The following LRRTM4 variants were observed in gnomAD, a reference collection of about 807,000 sequenced individuals.
The protein encoded by LRRTM4 is leucine rich repeat transmembrane neuronal 4.
Under a neutral mutation model 47.6 loss-of-function variants are expected in LRRTM4, and 25 were observed. That is an observed-to-expected ratio of 0.53 (90% CI 0.38 to 0.73). The LOEUF is 0.73. Ranked by LOEUF, LRRTM4 falls within the 30% of genes least tolerant of loss-of-function variation. The pLI, the probability that LRRTM4 is intolerant of heterozygous loss-of-function variation, is 0.00. For synonymous variants in LRRTM4, 311 were observed against 269.5 expected (o/e 1.15, Z -1.51); for missense variants, 638 against 713.4 (o/e 0.89, Z 1.20).
intron 3 of LRRTM4, among the ~76,000 whole-genome samples, chr2:76,898,786 T>C (rs887256582): frequency 6.6e-6 from 1 of 151,124 alleles, no homozygotes; most frequent in Non-Finnish European, 1.5e-5. Flanking sequence ...ATAGTCACTA[T>C]ACATTATATA....
intron 3 of LRRTM4, among the ~76,000 whole-genome samples, chr2:77,058,767 C>A (rs1381476729): frequency 6.6e-6 from 1 of 152,034 alleles, no homozygotes; most frequent in African/African-American, 2.4e-5. Context: ...TTCTTGTTTT[C>A]TATATTTGGC....
chr2:77,432,376 C>T (rs1184895896), intron 3 of LRRTM4, among the ~76,000 whole-genome samples: 1 of 152,190 alleles, frequency 6.6e-6, no homozygotes, highest in African/African-American at 2.4e-5. Context: ...ATTTAGGCAA[C>T]ACAAACATTC....
In LRRTM4 at chr2:77,458,148, A is replaced by G. The variant is rs145471326; in HGVS notation, c.1551+60170T>C. ...CCCCTCAGAGTACAGACAGTCAATA[A>G]TTATTTTTCAGGCTTGGGATTTGAG... On this transcript the variant is annotated intron_variant, in intron 3 of 3. Transcript: ENST00000409884. 1.1e-4 allele frequency among the ~76,000 whole-genome samples: 16 copies of G among 152,256 alleles called. 1 individual carries two copies. Among genetic ancestry groups the G allele is most frequent in the African/African-American group, 3.8e-4 (16 of 41,560 alleles).
intron 3 of LRRTM4, among the ~76,000 whole-genome samples, chr2:76,940,252 G>C (rs1351973373): frequency 6.6e-6 from 1 of 152,116 alleles, no homozygotes; most frequent in Non-Finnish European, 1.5e-5. Flanking sequence ...AGGTCCATCA[G>C]TGGTAGGATG....
At chr2:77,052,342 G>T (rs937508548) in intron 3 of LRRTM4, among the ~76,000 whole-genome samples, 4 of 151,516 alleles carry the variant, frequency 2.6e-5, no homozygotes, top group Non-Finnish European at 5.9e-5. Context: ...CTAGTTTTTT[G>T]TATTTTTAGT....
chr2:77,289,000 T>A (rs1221083891), intron 3 of LRRTM4, among the ~76,000 whole-genome samples: 2 of 152,090 alleles, frequency 1.3e-5, no homozygotes. Context: ...TGCAATATTT[T>A]GAAAAAGAAT....
intron 3 of LRRTM4, among the ~76,000 whole-genome samples, chr2:76,871,674 C>T (rs1310347482): frequency 6.6e-6 from 1 of 152,160 alleles, no homozygotes; most frequent in Non-Finnish European, 1.5e-5. Context: ...TAATAGAATA[C>T]AGAATGATGG....
chr2:76,944,153 G>A (rs576619881), intron 3 of LRRTM4, among the ~76,000 whole-genome samples: 1 of 152,002 alleles, frequency 6.6e-6, no homozygotes, highest in South Asian at 2.1e-4. Flanking sequence ...CTGGATATTC[G>A]AGTCACACTA....
At chr2:77,392,096 C>T (rs1673527116) in intron 3 of LRRTM4, among the ~76,000 whole-genome samples, 3 of 152,050 alleles carry the variant, frequency 2.0e-5, no homozygotes, top group Non-Finnish European at 4.4e-5. Flanking sequence ...CGATAAAAGA[C>T]ATTTACATCT....
chr2:76,748,741 G>C lies in LRRTM4; in HGVS notation c.1727C>G (p.Ala576Gly), dbSNP rs1672736841. 9.3e-6 allele frequency: 15 copies of C among 1,613,894 alleles called. No individual in the cohort carries two copies. Among genetic ancestry groups the C allele is most frequent in the Non-Finnish European group, 1.3e-5 (15 of 1,179,892 alleles). ...GTAGATGGCCGGTGCTGCCGACCTG[G>C]CGATGGTGGCGATGAAGCTGTGGTC... The part of the protein sequence containing the change: ...GRDHSFIATI[A>G]RSAAPAIYLE... Residue 576 changes from alanine to glycine, a missense_variant, in exon 4 of 4, where the codon GCC becomes GGC. Transcript: ENST00000409884.
chr2:76,807,839 C>T (rs1431554204), intron 3 of LRRTM4, among the ~76,000 whole-genome samples: 2 of 151,892 alleles, frequency 1.3e-5, no homozygotes, highest in Admixed American at 1.3e-4. Context: ...CCCCAGCCTC[C>T]CAAAGTGCTG....
intron 3 of LRRTM4, among the ~76,000 whole-genome samples, chr2:76,915,996 T>A (rs1674230106): frequency 6.6e-6 from 1 of 151,994 alleles, no homozygotes; most frequent in Admixed American, 6.6e-5. Flanking sequence ...AAAAGCTCTA[T>A]CAGCACATTT....
chr2:77,178,718 G>T (rs1673268735), intron 3 of LRRTM4, among the ~76,000 whole-genome samples: 2 of 151,900 alleles, frequency 1.3e-5, no homozygotes, highest in African/African-American at 2.4e-5. Context: ...TCAATCAATT[G>T]TTCCTAATGT....
intron 3 of LRRTM4, among the ~76,000 whole-genome samples, chr2:76,813,414 A>C (rs1670803612): frequency 6.6e-6 from 1 of 152,156 alleles, no homozygotes; most frequent in Non-Finnish European, 1.5e-5. Flanking sequence ...ATGTCAGAGA[A>C]ATATAAAAGC....
chr2:77,426,294 G>A (rs1193155383), intron 3 of LRRTM4, among the ~76,000 whole-genome samples: 1 of 151,990 alleles, frequency 6.6e-6, no homozygotes, highest in African/African-American at 2.4e-5. Context: ...TTCCCTTAAT[G>A]TATCTACAAT....
At chr2:77,405,661 T>C (rs1304863730) in intron 3 of LRRTM4, among the ~76,000 whole-genome samples, 1 of 152,076 alleles carries the variant, frequency 6.6e-6, no homozygotes, top group Non-Finnish European at 1.5e-5. Flanking sequence ...AAAGAACTAC[T>C]CCTGAAACAA....
intron 3 of LRRTM4, among the ~76,000 whole-genome samples, chr2:77,424,774 T>G (rs1675041200): frequency 6.6e-6 from 1 of 152,170 alleles, no homozygotes; most frequent in Non-Finnish European, 1.5e-5. Flanking sequence ...CTTGAGGAAA[T>G]TCCAGCCTTA....
chr2:76,957,827 A>G (rs531619047), intron 3 of LRRTM4, among the ~76,000 whole-genome samples: 40 of 151,796 alleles, frequency 2.6e-4, no homozygotes, highest in African/African-American at 9.2e-4. Context: ...TCACTTCTCA[A>G]AACATATGTG....
chr2:77,345,110 T>G (rs2104284362), intron 3 of LRRTM4, among the ~76,000 whole-genome samples: 1 of 150,946 alleles, frequency 6.6e-6, no homozygotes, highest in African/African-American at 2.4e-5. Flanking sequence ...TCAGTAAAAT[T>G]ATAAAAATAT....
Sources: allele counts gnomAD v4.1 joint callset (sites outside exome capture counted in the v4.1 genomes callset), GRCh38; gene constraint gnomAD v4.1.1; transcripts MANE v1.5; gene names NCBI Gene and HGNC (gene_info 2026-07-23, HGNC 2026-07-21).